The following MLKL variants were observed in gnomAD, a reference collection of about 807,000 sequenced individuals.
MLKL encodes mixed lineage kinase domain-like protein.
Under a neutral mutation model 56.5 loss-of-function variants are expected in MLKL, and 55 were observed. The ratio of observed to expected loss-of-function variants is 0.97; its 90% CI spans 0.78 to 1.22. The LOEUF (loss-of-function observed/expected upper bound fraction) is 1.22. Among genes scored for constraint, MLKL ranks in the 50% most tolerant of loss-of-function variants. The pLI is 0.00. For synonymous variants in MLKL, 251 were observed against 208.3 expected, an observed-to-expected ratio of 1.20 and a Z score of -1.76; for missense variants, 694 against 573.9, an observed-to-expected ratio of 1.21 and a Z score of -2.14.
intron 7 of MLKL, chr16:74,676,424 A>G (rs1190852747): frequency 1.0e-6 from 1 of 985,358 alleles, no homozygotes. Context: ...AGGTACCCAA[A>G]TCTAGGGGCA....
intron 1 of MLKL, among the ~76,000 whole-genome samples, chr16:74,698,918 G>A (rs1961214603): frequency 6.6e-6 from 1 of 152,012 alleles, no homozygotes; most frequent in East Asian, 1.9e-4. Context: ...GTTTGAGATC[G>A]CCCGGCCAAC....
At chr16:74,690,171 G>C (rs1182997392) in intron 4 of MLKL, among the ~76,000 whole-genome samples, 1 of 152,182 alleles carries the variant, frequency 6.6e-6, no homozygotes, top group East Asian at 1.9e-4. Flanking sequence ...ATAAGGGCTT[G>C]AATTCATTAG....
chr16:74,694,399 C>T (rs753499952), intron 2 of MLKL, among the ~76,000 whole-genome samples: 3 of 152,108 alleles, frequency 2.0e-5, no homozygotes, highest in African/African-American at 4.8e-5. Context: ...CTTCTCACGC[C>T]GGCCCCCTCC....
chr16:74,688,127 G>A (rs1430314005), intron 4 of MLKL, among the ~76,000 whole-genome samples: 2 of 151,422 alleles, frequency 1.3e-5, no homozygotes, highest in East Asian at 3.9e-4. Context: ...CCCAGCCAAC[G>A]CCCGGCTAAT....
At chr16:74,674,403 T>C (rs1403389771) in intron 10 of MLKL, among the ~76,000 whole-genome samples, 3 of 152,056 alleles carry the variant, frequency 2.0e-5, no homozygotes, top group Non-Finnish European at 1.5e-5. Flanking sequence ...TCCACCCACC[T>C]TGGCCTCGCA....
At chr16:74,697,525 T>C (rs1268875505) in intron 1 of MLKL, among the ~76,000 whole-genome samples, 1 of 152,210 alleles carries the variant, frequency 6.6e-6, no homozygotes, top group Non-Finnish European at 1.5e-5. Context: ...CAGCTCTCCA[T>C]GGTTATTTTC....
intron 1 of MLKL, among the ~76,000 whole-genome samples, chr16:74,697,159 T>C (rs1031516988): frequency 2.0e-5 from 3 of 151,818 alleles, no homozygotes; most frequent in African/African-American, 4.8e-5. Flanking sequence ...GAGGCTGCAG[T>C]GCCAGCTTCC....
intron 10 of MLKL, 56 bp downstream of exon 10, chr16:74,674,904 T>C: frequency 1.3e-6 from 2 of 1,576,050 alleles, no homozygotes; most frequent in Non-Finnish European, 1.7e-6. Flanking sequence ...AGGAAATCTT[T>C]CACAAGTGTG....
rs771330406 is a variant in MLKL, at chr16:74,692,373, G to T, written c.504C>A (p.Asn168Lys). 10 of 1,613,532 alleles carry T rather than the reference G, an allele frequency of 6.2e-6. No individual in the cohort carries two copies. The African/African-American group carries it at 1.3e-4, about 22-fold the overall frequency. Residue 168 changes from asparagine (N) to lysine (K), a missense_variant, in exon 3 of 11, where the codon AAC (asparagine) becomes AAA (lysine). Asn to Lys is a moderately conservative substitution (Grantham distance 94, BLOSUM62 0). Transcript: ENST00000308807. ...IEASLRRLEI[N>K]MKEIKETLRQ... is the part of the protein sequence containing the mutation. Reference sequence around the variant, plus strand: ...TCAAAGTTTCCTTGATTTCTTTCATGTTGATTTCTAATCGTCTCAGTGAAG... The same window carrying T: ...TCAAAGTTTCCTTGATTTCTTTCATTTTGATTTCTAATCGTCTCAGTGAAG...
rs538901524 is a variant in MLKL at position 74,684,710 on chromosome 16, G to A, written c.820+776C>T. On this transcript the variant is annotated intron_variant, in intron 5 of 10. Transcript: ENST00000308807. ...GGGGTTTCATCATGTTGGCCAGGAC[G>A]GTCTCAAGCTCCTGACCTTGTGATC... Among the ~76,000 whole-genome samples, 248 of 151,912 alleles carry A rather than the reference G, an allele frequency of 1.6e-3. 1 individual carries two copies. Among genetic ancestry groups the A allele is most frequent in the African/African-American group, 5.3e-3 (220 of 41,446 alleles).
Position 74,675,072 on chromosome 16 carries a change from C to T in MLKL, c.1269G>A (p.Leu423=). The change falls in exon 10 of 11, where the codon CTG becomes CTA. Residue 423 remains leucine (L), a synonymous_variant. Transcript: ENST00000308807. ...QGCNSEKIRK[L]VAVKRQQEPL... ...GCTCCTGCTGCCGCTTCACAGCCAC[C>T]AGCTTGCGGATCTTCTCAGAATTAC... 1.9e-6 allele frequency: 3 copies of T among 1,614,138 alleles called. No individual in the cohort carries two copies. The highest frequency in any genetic ancestry group is 1.7e-6 in the Non-Finnish European group (2 of 1,180,014).
chr16:74,685,779 C>T (rs190211042), intron 4 of MLKL, among the ~76,000 whole-genome samples, 196 bp from the exon 5 acceptor site: 12 of 152,226 alleles, frequency 7.9e-5, no homozygotes, highest in East Asian at 1.9e-4. Flanking sequence ...ATTAGTCCCT[C>T]GGGGTCTGTC....
chr16:74,690,521 C>T (rs114458111), intron 4 of MLKL, among the ~76,000 whole-genome samples: 27 of 152,206 alleles, frequency 1.8e-4, no homozygotes, highest in African/African-American at 6.3e-4. Flanking sequence ...ATATGGCTCA[C>T]GCCTGTTATC....
chr16:74,687,407 T>A (rs1281773051), intron 4 of MLKL, among the ~76,000 whole-genome samples: 1 of 151,884 alleles, frequency 6.6e-6, no homozygotes, highest in Non-Finnish European at 1.5e-5. Flanking sequence ...CGATTTGTAG[T>A]TGGCTTAAAA....
At position 74,675,805 on chromosome 16, in the gene MLKL, T is replaced by C. The variant is rs747969426; in HGVS notation, c.1039-41A>G. 6 of 1,605,148 alleles carry C rather than the reference T, an allele frequency of 3.7e-6. No individual in the cohort carries two copies. In the African/African-American group the frequency reaches 4.0e-5, roughly 11 times the overall value. On this transcript the variant is annotated intron_variant, in intron 7 of 10. Transcript: ENST00000308807. ...ACTTAGAAAGAAACAAGCAAGATCTTGGGTAGAGGAGTAAAGGGCAGGGAT... is the reference window on the plus strand; with the variant it reads ...ACTTAGAAAGAAACAAGCAAGATCTCGGGTAGAGGAGTAAAGGGCAGGGAT...
chr16:74,694,473 G>A (rs1295884700), intron 2 of MLKL, among the ~76,000 whole-genome samples: 2 of 151,356 alleles, frequency 1.3e-5, no homozygotes, highest in East Asian at 2.0e-4. Flanking sequence ...TGGAGAAATC[G>A]TGGCTCACTG....
chr16:74,678,932 T>A lies in MLKL; in HGVS notation c.1005A>T (p.Ser335=), dbSNP rs768919504. The change falls in exon 7 of 11, where the codon TCA becomes TCT. Residue 335 remains serine, a synonymous_variant. Coordinates refer to ENST00000308807, the MANE Select transcript of MLKL (RefSeq NM_152649.4). The part of the protein sequence containing the change: ...APELHGKIRS[S]NFLVTQGYQV... The stretch of plus-strand genomic sequence containing the variant: ...GGTAGCCTTGAGTTACCAGGAAGTT[T>A]GAGCTTCTGATTTTTCCGTGGAGTT... 6.2e-7 allele frequency: 1 copy of A among 1,612,294 alleles called. No homozygotes were observed. The highest frequency in any genetic ancestry group is 1.1e-5 in the South Asian group (1 of 91,022).
At chr16:74,696,552 A>G (rs1335768423) in intron 1 of MLKL, among the ~76,000 whole-genome samples, 1 of 151,634 alleles carries the variant, frequency 6.6e-6, no homozygotes, top group African/African-American at 2.4e-5. Context: ...TTTGAGAGGA[A>G]GAGACAGGAG....
chr16:74,681,014 C>A (rs1386805016), intron 6 of MLKL, among the ~76,000 whole-genome samples: 2 of 151,448 alleles, frequency 1.3e-5, no homozygotes, highest in African/African-American at 4.9e-5. Flanking sequence ...TTTTTAAAAG[C>A]TTTATTTCAA....
Sources: allele counts gnomAD v4.1 joint callset (sites outside exome capture counted in the v4.1 genomes callset), GRCh38; gene constraint gnomAD v4.1.1; transcripts MANE v1.5; gene names NCBI Gene and HGNC (gene_info 2026-07-23, HGNC 2026-07-21).